The following TXNRD1 variants were observed in gnomAD, a reference collection of about 807,000 sequenced individuals.
TXNRD1 encodes the protein thioredoxin reductase 1.
TXNRD1 carries 57 observed loss-of-function variants against 80.3 expected under a neutral mutation model. That is an observed-to-expected ratio of 0.71 (90% CI 0.57 to 0.89). The LOEUF is 0.89. Ranked by LOEUF, TXNRD1 falls within the 40% of genes least tolerant of loss-of-function variation. The pLI, the probability that TXNRD1 is intolerant of heterozygous loss-of-function variation, is 0.00. For synonymous variants in TXNRD1, 291 were observed against 285.2 expected, an observed-to-expected ratio of 1.02 and a Z score of -0.20; for missense variants, 730 against 803.0, an observed-to-expected ratio of 0.91 and a Z score of 1.10.
chr12:104,271,917 A>G (rs2033660232), intron 3 of TXNRD1, among the ~76,000 whole-genome samples: 1 of 152,086 alleles, frequency 6.6e-6, no homozygotes, highest in Non-Finnish European at 1.5e-5. Context: ...GATTCACTTT[A>G]AGAAAGAGCA....
intron 4 of TXNRD1, chr12:104,303,972 C>G: frequency 6.2e-7 from 1 of 1,605,204 alleles, no homozygotes; most frequent in South Asian, 1.1e-5. Context: ...GCGGGCTGCT[C>G]CGACGACCTC....
At chr12:104,283,873 A>AAAAT (rs1021123225) in intron 3 of TXNRD1, among the ~76,000 whole-genome samples, 4 of 152,062 alleles carry the variant, frequency 2.6e-5, no homozygotes, top group Non-Finnish European at 4.4e-5. Context: ...TCTCTCTCTC[A>AAAAT]AAATAAATAA....
chr12:104,306,805 C>T (rs1471675589), intron 4 of TXNRD1, among the ~76,000 whole-genome samples: 2 of 152,158 alleles, frequency 1.3e-5, no homozygotes, highest in Non-Finnish European at 2.9e-5. Flanking sequence ...ATCCTCATTT[C>T]CAGCATGTCT....
rs1382325858 is a variant in TXNRD1, at chr12:104,303,763, C to T, written c.415-7527C>T. On this transcript the variant is annotated intron_variant, in intron 4 of 16. Coordinates refer to ENST00000525566, the MANE Select transcript of TXNRD1 (RefSeq NM_001093771.3). Reference sequence around the variant, plus strand: ...CATGGGCGGGCGTCCTCGGCTCTAACTGCCGCCACTTTCCACACGCTGGGA... The same window carrying T: ...CATGGGCGGGCGTCCTCGGCTCTAATTGCCGCCACTTTCCACACGCTGGGA... 4.3e-6 allele frequency: 5 copies of T among 1,155,870 alleles called. No homozygotes were observed. The Admixed American group carries it at 1.3e-4, about 30-fold the overall frequency. 71.6% of individuals were successfully genotyped at this position (1,155,870 alleles called of 1,614,324 possible).
chr12:104,303,163 G>C (rs2034709161), intron 4 of TXNRD1, among the ~76,000 whole-genome samples: 1 of 152,132 alleles, frequency 6.6e-6, no homozygotes, highest in Non-Finnish European at 1.5e-5. Context: ...TTCCTGCAGG[G>C]GTTAGCACGG....
intron 10 of TXNRD1, among the ~76,000 whole-genome samples, chr12:104,323,795 CG>C (rs1334966408): frequency 4.0e-5 from 5 of 126,128 alleles, no homozygotes; most frequent in Non-Finnish European, 8.9e-5. Flanking sequence ...GGCGGCTGGC[CG>C]GGCGGGGGGG....
chr12:104,216,266 A>G (rs903130372), intron 1 of TXNRD1, among the ~76,000 whole-genome samples: 13 of 152,198 alleles, frequency 8.5e-5, no homozygotes, highest in African/African-American at 2.4e-4. Flanking sequence ...CGTGTTTCCA[A>G]TGAAAGGTTA....
At position 104,349,596 on chromosome 12, in the gene TXNRD1, T is replaced by C. The variant is rs189420892; in HGVS notation, c.*1175T>C. 8 of 152,794 alleles carry C rather than the reference T, an allele frequency of 5.2e-5. No homozygotes were observed. Among genetic ancestry groups the C allele is most frequent in the Admixed American group, 3.3e-4 (5 of 15,304 alleles). 9.5% of individuals were successfully genotyped at this position (152,794 alleles called of 1,614,324 possible). A position where few individuals can be genotyped will look rare whatever the true frequency, so the allele number is the denominator to read the frequency against. On this transcript the variant is annotated 3_prime_UTR_variant, in exon 17 of 17. Transcript: ENST00000525566. ...TTTTTGCAGAAGTGTTTATGCTTTG[T>C]TAGCATTTCAACTTGCATTATTATA...
At chr12:104,320,999 T>G (rs2035506964) in intron 9 of TXNRD1, 92 bp from the exon 10 acceptor site, 1 of 889,506 alleles carries the variant, frequency 1.1e-6, no homozygotes, top group South Asian at 1.6e-5. Flanking sequence ...AGTATGTTCT[T>G]GTCAAAGTAA....
chr12:104,251,712 T>C (rs1372682462), intron 2 of TXNRD1, 34 bp downstream of exon 2: 2 of 1,599,410 alleles, frequency 1.3e-6, no homozygotes, highest in Non-Finnish European at 1.7e-6. Flanking sequence ...TTAAATGGAA[T>C]TGAAGGAATT....
At chr12:104,282,748 C>G (rs2033904550) in intron 3 of TXNRD1, 1 of 152,282 alleles carries the variant, frequency 6.6e-6, no homozygotes, top group African/African-American at 2.4e-5. Context: ...GGCTGAAGAG[C>G]AGTGGCATGA....
At chr12:104,307,777 A>G (rs1305180644) in intron 4 of TXNRD1, among the ~76,000 whole-genome samples, 1 of 152,164 alleles carries the variant, frequency 6.6e-6, no homozygotes, top group Non-Finnish European at 1.5e-5. Flanking sequence ...AGCCTGGAGC[A>G]GTGTTTTACT....
At chr12:104,262,439 C>G (rs1055662156) in intron 3 of TXNRD1, 1 of 152,146 alleles carries the variant, frequency 6.6e-6, no homozygotes, top group Non-Finnish European at 1.5e-5. Flanking sequence ...AATCATGGAG[C>G]TGGAACTGCT....
chr12:104,299,231 C>G (rs35276618), intron 4 of TXNRD1, among the ~76,000 whole-genome samples: 1,907 of 152,138 alleles, frequency 0.013, 44 homozygotes, highest in African/African-American at 0.044. Flanking sequence ...AGTAGTATTC[C>G]CGTCTTATAA....
intron 2 of TXNRD1, among the ~76,000 whole-genome samples, chr12:104,252,063 CAA>C (rs60195108): frequency 2.9e-4 from 16 of 55,038 alleles, no homozygotes; most frequent in Non-Finnish European, 4.7e-4. Flanking sequence ...GACTCCATCT[CAA>C]AAAAAAAAAA....
At chr12:104,330,580 TG>T (rs1157420183) in intron 13 of TXNRD1, among the ~76,000 whole-genome samples, 4 of 113,652 alleles carry the variant, frequency 3.5e-5, no homozygotes, top group Non-Finnish European at 8.4e-5. Context: ...ATTTCCTAAT[TG>T]GGATTTTTTT....
At position 104,348,449 on chromosome 12, in the gene TXNRD1, C is replaced by T. The variant is rs1434529757; in HGVS notation, c.*28C>T. The T allele has an allele frequency of 1.2e-6, 2 of 1,610,108 alleles. No homozygotes were observed. Among genetic ancestry groups the T allele is most frequent in the Non-Finnish European group, 1.7e-6 (2 of 1,176,840 alleles). ...CCCAGTGTGGATGCTGTTGCCAAGA[C>T]TGCAAACCACTGGCTCGTTTCCGTG... On this transcript the variant is annotated 3_prime_UTR_variant, in exon 17 of 17. Coordinates refer to ENST00000525566, the MANE Select transcript of TXNRD1 (RefSeq NM_001093771.3).
At chr12:104,324,218 AC>A (rs752846580) in intron 10 of TXNRD1, among the ~76,000 whole-genome samples, 12 of 152,194 alleles carry the variant, frequency 7.9e-5, no homozygotes, top group Non-Finnish European at 1.2e-4. Context: ...TTAAAATTAA[AC>A]AAGAAAGACT....
rs747866441 is a variant in TXNRD1, at chr12:104,339,281, A to G, written c.1881+8A>G. 1.1e-5 allele frequency: 17 copies of G among 1,613,712 alleles called. No individual in the cohort carries two copies. In the Admixed American group the frequency reaches 1.3e-4, roughly 13 times the overall value. ...CACCCTGTCTGTGCAGAGGTGGGTC[A>G]TCTACACTTATACAGTTTAAAATGT... is the stretch of plus-strand genomic sequence containing the variant. On this transcript the variant is annotated splice_region_variant and intron_variant, in intron 16 of 16. Coordinates refer to ENST00000525566, the MANE Select transcript of TXNRD1 (RefSeq NM_001093771.3).
Sources: allele counts gnomAD v4.1 joint callset (sites outside exome capture counted in the v4.1 genomes callset), GRCh38; gene constraint gnomAD v4.1.1; transcripts MANE v1.5; gene names NCBI Gene and HGNC (gene_info 2026-07-23, HGNC 2026-07-21).